Variants in TOX3 observed in about 807,000 individuals in gnomAD.
TOX3 encodes the protein TOX high mobility group box family member 3, also known as CAG trinucleotide repeat-containing gene F9 protein.
Under a neutral mutation model 64.3 loss-of-function variants are expected in TOX3, and 22 were observed. That is an observed-to-expected ratio of 0.34 (90% confidence interval 0.24 to 0.49). The LOEUF (loss-of-function observed/expected upper bound fraction) is 0.49, where lower values mean the gene tolerates loss of function less well. Among genes scored for constraint, TOX3 ranks in the 20% least tolerant of loss-of-function variants. The pLI is 0.99. For missense variants in TOX3, 661 were observed against 714.4 expected (o/e 0.93, Z 0.85); for synonymous variants, 291 against 273.6 (o/e 1.06, Z -0.63).
intron 1 of TOX3, among the ~76,000 whole-genome samples, chr16:52,486,674 G>C (rs952915788): frequency 6.6e-6 from 1 of 152,170 alleles, no homozygotes; most frequent in Admixed American, 6.5e-5. Context: ...CCTCATGCCT[G>C]TAATCCCAGC....
At chr16:52,490,549 G>T (rs1289919556) in intron 1 of TOX3, among the ~76,000 whole-genome samples, 3 of 148,808 alleles carry the variant, frequency 2.0e-5, no homozygotes, top group Non-Finnish European at 4.4e-5. Context: ...GAACCAAAAA[G>T]TATATTTAGT....
At chr16:52,481,794 C>T (rs980094109) in intron 1 of TOX3, among the ~76,000 whole-genome samples, 4 of 152,094 alleles carry the variant, frequency 2.6e-5, no homozygotes, top group African/African-American at 7.2e-5. Context: ...TTATGATTGC[C>T]GGAATTCTGT....
chr16:52,468,427 T>A, intron 2 of TOX3, 82 bp downstream of exon 2: 1 of 1,245,952 alleles, frequency 8.0e-7, no homozygotes, highest in South Asian at 1.3e-5. Context: ...ATAAATTTGA[T>A]ACTTTGTTTT....
chr16:52,520,221 T>A (rs1421199536), intron 1 of TOX3, among the ~76,000 whole-genome samples: 1 of 152,254 alleles, frequency 6.6e-6, no homozygotes, highest in Non-Finnish European at 1.5e-5. Flanking sequence ...TAGCATTGGT[T>A]GAACACCTTC....
intron 1 of TOX3, among the ~76,000 whole-genome samples, chr16:52,533,143 G>A (rs1157265584): frequency 2.6e-5 from 4 of 152,274 alleles, no homozygotes; most frequent in East Asian, 1.9e-4. Flanking sequence ...TGTTGAAGAC[G>A]AGGTCAACAG....
chr16:52,526,591 G>A (rs557062098), intron 1 of TOX3, among the ~76,000 whole-genome samples: 1 of 152,230 alleles, frequency 6.6e-6, no homozygotes, highest in East Asian at 1.9e-4. Context: ...AGACAATGAA[G>A]TCCCTGAAAA....
intron 1 of TOX3, among the ~76,000 whole-genome samples, chr16:52,528,128 T>G (rs970699269): frequency 3.9e-5 from 6 of 152,318 alleles, no homozygotes; most frequent in Middle Eastern, 3.4e-3. Context: ...TGAAGTAGGA[T>G]TCTTCTCCCA....
Position 52,485,246 on chromosome 16 carries a change from G to GTGTATATATATATATATATATA in TOX3, c.88-16673_88-16672insTATATATATATATATATATACA, listed in dbSNP as rs1555484130. On this transcript the variant is annotated intron_variant, in intron 1 of 6. Transcript: ENST00000219746. Reference sequence around the variant, plus strand: ...CATGTGTGTGTGTGTATGTGTGTGTGTATATATATATATATATATATATAT... The same window carrying GTGTATATATATATATATATATA: ...CATGTGTGTGTGTGTATGTGTGTGTGTGTATATATATATATATATATATATATATATATATATATATATATAT... Among the ~76,000 whole-genome samples, 143 of 127,808 alleles carry GTGTATATATATATATATATATA rather than the reference G, an allele frequency of 1.1e-3. 2 individuals are homozygous for GTGTATATATATATATATATATA. The highest frequency in any genetic ancestry group is 4.5e-3 in the African/African-American group (133 of 29,730). The allele number at this position is 127,808 out of a possible 152,430, so 83.8% of individuals were successfully genotyped here.
At chr16:52,489,459 T>G (rs774464597) in intron 1 of TOX3, among the ~76,000 whole-genome samples, 4 of 152,184 alleles carry the variant, frequency 2.6e-5, no homozygotes, top group Admixed American at 1.3e-4. Flanking sequence ...CCGTAGTATC[T>G]AGGTCTCAAA....
rs573535134 is a variant in TOX3, at chr16:52,482,434, T to C, written c.88-13860A>G. On this transcript the variant is annotated intron_variant, in intron 1 of 6. Coordinates refer to ENST00000219746, the MANE Select transcript of TOX3 (RefSeq NM_001080430.4). ...CAGCAAAAATCAAATTCTAAAAGAGTGACTCAACTGTATTTAGGCAAATTA... is the reference window on the plus strand; with the variant it reads ...CAGCAAAAATCAAATTCTAAAAGAGCGACTCAACTGTATTTAGGCAAATTA... 2.6e-4 allele frequency among the ~76,000 whole-genome samples: 40 copies of C among 152,170 alleles called. No homozygotes were observed. The South Asian group carries it at 8.3e-3, about 32-fold the overall frequency.
At chr16:52,445,298 T>C (rs558728835) in intron 5 of TOX3, 1 of 152,354 alleles carries the variant, frequency 6.6e-6, no homozygotes, top group East Asian at 1.9e-4. Context: ...TAGGAGTTGA[T>C]CTATTCTTCT....
chr16:52,519,693 C>T (rs1269740255), intron 1 of TOX3: 31 of 991,044 alleles, frequency 3.1e-5, no homozygotes, highest in Non-Finnish European at 4.1e-5. Context: ...CGCAGTCGCT[C>T]ACACCTGTAA....
chr16:52,446,683 T>A (rs1242075389), intron 4 of TOX3, among the ~76,000 whole-genome samples: 2 of 152,184 alleles, frequency 1.3e-5, no homozygotes, highest in Non-Finnish European at 2.9e-5. Flanking sequence ...GAATTGATTT[T>A]TTTTTTTGAG....
intron 1 of TOX3, among the ~76,000 whole-genome samples, chr16:52,482,471 A>G (rs1366613541): frequency 6.6e-6 from 1 of 152,206 alleles, no homozygotes; most frequent in Non-Finnish European, 1.5e-5. Flanking sequence ...ATCAAGTTGT[A>G]AATGCAAAAG....
chr16:52,451,643 A>G (rs1324740823), intron 3 of TOX3, among the ~76,000 whole-genome samples: 1 of 152,154 alleles, frequency 6.6e-6, no homozygotes, highest in African/African-American at 2.4e-5. Context: ...CCTTCCGATA[A>G]GGCTTATTTT....
intron 1 of TOX3, among the ~76,000 whole-genome samples, chr16:52,469,124 C>T (rs569410421): frequency 2.8e-4 from 43 of 152,196 alleles, no homozygotes; most frequent in African/African-American, 1.0e-3. Flanking sequence ...GAGCTTAAAG[C>T]GATATCTATA....
chr16:52,538,961 G>A (rs1333889050), intron 1 of TOX3, among the ~76,000 whole-genome samples: 1 of 151,986 alleles, frequency 6.6e-6, no homozygotes, highest in Non-Finnish European at 1.5e-5. Flanking sequence ...TTTTTAAACA[G>A]GATTTTTCTT....
In TOX3 at chr16:52,439,180, T is replaced by C. The variant is rs1184018232; in HGVS notation, c.*45A>G. ...CAGCCACATATGCTTTTCCCTCCTA[T>C]GCCACTCTCCTTGGTATACGCAAAT... On this transcript the variant is annotated 3_prime_UTR_variant, in exon 7 of 7. Transcript: ENST00000219746. 2 of 1,612,738 alleles carry C rather than the reference T, an allele frequency of 1.2e-6. No individual in the cohort carries two copies. The highest frequency in any genetic ancestry group is 1.1e-5 in the South Asian group (1 of 90,622).
intron 1 of TOX3, among the ~76,000 whole-genome samples, chr16:52,491,948 C>T (rs1961698498): frequency 6.6e-6 from 1 of 152,024 alleles, no homozygotes; most frequent in Admixed American, 6.6e-5. Context: ...TGAAGCTGCG[C>T]TCGGGGCTAC....
Sources: gnomAD v4.1 joint callset for allele counts (sites outside exome capture counted in the v4.1 genomes callset) on GRCh38, gnomAD v4.1.1 for gene constraint, MANE v1.5 for transcripts, NCBI Gene and HGNC (gene_info 2026-07-23, HGNC 2026-07-21) for gene names.